Variants in MICALL1 observed in about 807,000 individuals in gnomAD.
MICALL1 encodes the protein MICAL like 1, also known as MICAL-like protein 1.
In MICALL1, 61 loss-of-function variants were observed where a neutral mutation model predicts 83.7. The observed-to-expected ratio is 0.73, with a 90% CI of 0.59 to 0.90. The LOEUF is 0.90. MICALL1 is among the 40% of genes least tolerant of loss of function. The probability of loss-of-function intolerance (pLI) is 0.00; values close to 1 mark genes in which losing one functional copy is unlikely to be tolerated. For synonymous variants in MICALL1, 481 were observed against 473.6 expected (o/e 1.02, Z -0.20); for missense variants, 1,066 against 1,152.0 (o/e 0.93, Z 1.08).
rs745831607 is a variant in MICALL1 at position 37,926,017 on chromosome 22, C to T, written c.1439C>T (p.Pro480Leu). The change falls in exon 8 of 16, where the codon CCG (proline) becomes CTG (leucine). Residue 480 changes from proline (P) to leucine (L), a missense_variant. By Grantham distance (98) the Pro-to-Leu change is moderately conservative. Transcript: ENST00000215957. The stretch of plus-strand genomic sequence containing the variant: ...CCCAAGACAAAGAAGCGCCCTGCCC[C>T]GCGCGCACCCAGCGCGTCCCCACTG... Reference protein sequence around the residue: ...SSPKTKKRPAPRAPSASPLAL... With the variant: ...SSPKTKKRPALRAPSASPLAL... The T allele has an allele frequency of 3.7e-5, 59 of 1,608,708 alleles. No homozygotes were observed. The highest frequency in any genetic ancestry group is 6.7e-5 in the Admixed American group (4 of 59,510).
chr22:37,907,955 G>C (rs961298499), intron 1 of MICALL1, among the ~76,000 whole-genome samples: 1 of 152,220 alleles, frequency 6.6e-6, no homozygotes, highest in African/African-American at 2.4e-5. Flanking sequence ...CATTGGAAGG[G>C]AGGGCCCAAG....
At position 37,930,582 on chromosome 22, in the gene MICALL1, A is replaced by T. The variant is rs1929736287; in HGVS notation, c.1882-1217A>T. Among the ~76,000 whole-genome samples the T allele has an allele frequency of 6.6e-6, 1 of 152,212 alleles. No individual in the cohort carries two copies. Among genetic ancestry groups the T allele is most frequent in the Non-Finnish European group, 1.5e-5 (1 of 68,028 alleles). Reference sequence around the variant, plus strand: ...AGGCCTCTGTAAGGGGCTCGCAGTGACGTCTGTTTCCAATGAGCTGGGAAG... The same window carrying T: ...AGGCCTCTGTAAGGGGCTCGCAGTGTCGTCTGTTTCCAATGAGCTGGGAAG... On this transcript the variant is annotated intron_variant, in intron 9 of 15. Coordinates refer to ENST00000215957, the MANE Select transcript of MICALL1 (RefSeq NM_033386.4). This position sits in a 1 kb window ranked among gnomAD's most constrained non-coding sequence, Gnocchi z 4.8.
At position 37,930,504 on chromosome 22, in the gene MICALL1, CT is replaced by C. The variant is rs1198355753; in HGVS notation, c.1882-1294del. 6.6e-6 allele frequency among the ~76,000 whole-genome samples: 1 copy of C among 152,242 alleles called. No individual in the cohort carries two copies. The highest frequency in any genetic ancestry group is 6.5e-5 in the Admixed American group (1 of 15,280). On this transcript the variant is annotated intron_variant, in intron 9 of 15. Transcript: ENST00000215957. This position sits in a 1 kb window ranked among gnomAD's most constrained non-coding sequence, Gnocchi z 4.8. ...GCACAGGCCTCCACCTGCTCCGCAG[CT>C]GCCGAGGGAAAGCTGGGTCAGTGCT... is the stretch of plus-strand genomic sequence containing the variant.
intron 9 of MICALL1, among the ~76,000 whole-genome samples, chr22:37,929,651 G>A (rs549118586): frequency 6.6e-6 from 1 of 152,274 alleles, no homozygotes; most frequent in Non-Finnish European, 1.5e-5. Flanking sequence ...GTGTGCTGTG[G>A]GCTCACCTGT....
At chr22:37,922,830 GT>G in intron 6 of MICALL1, among the ~76,000 whole-genome samples, 1 of 141,332 alleles carries the variant, frequency 7.1e-6, no homozygotes, top group East Asian at 2.0e-4. Flanking sequence ...TAGAGACGGG[GT>G]TTCTCCATGT....
Position 37,930,364 on chromosome 22 carries a change from C to T in MICALL1, c.1882-1435C>T, listed in dbSNP as rs1929722568. Among the ~76,000 whole-genome samples, 1 of 152,168 alleles carries T rather than the reference C, an allele frequency of 6.6e-6. No individual in the cohort carries two copies. Among genetic ancestry groups the T allele is most frequent in the Non-Finnish European group, 1.5e-5 (1 of 68,022 alleles). On this transcript the variant is annotated intron_variant, in intron 9 of 15. Coordinates refer to ENST00000215957, the MANE Select transcript of MICALL1 (RefSeq NM_033386.4). The surrounding 1 kb of genome is among the most constrained non-coding windows in gnomAD (Gnocchi z 4.8). ...ACCCTGGGTCATTGGGTGGGTGCTG[C>T]CCTGTGGGAGCCAAGCCCTGGCTTC...
intron 6 of MICALL1, among the ~76,000 whole-genome samples, chr22:37,922,815 T>A (rs964931190): frequency 6.9e-6 from 1 of 144,716 alleles, no homozygotes; most frequent in African/African-American, 2.5e-5. Flanking sequence ...TTTTTTTTTT[T>A]TTAGTAGAGA....
rs767482792 is a variant in MICALL1, at chr22:37,917,842, G to T, written c.426+47G>T. The stretch of plus-strand genomic sequence containing the variant: ...TGGGAGGGCCAGGGGTGGAGGGGGC[G>T]AGTTATGTGGACGACTATCATTGCA... On this transcript the variant is annotated intron_variant, in intron 4 of 15. Coordinates refer to ENST00000215957, the MANE Select transcript of MICALL1 (RefSeq NM_033386.4). The T allele has an allele frequency of 4.0e-6, 6 of 1,507,632 alleles. No individual in the cohort carries two copies. In the African/African-American group the frequency reaches 8.2e-5, roughly 21 times the overall value. 93.4% of individuals were successfully genotyped at this position (1,507,632 alleles called of 1,614,324 possible).
chr22:37,934,275 C>T lies in MICALL1; in HGVS notation c.2308+1163C>T, dbSNP rs547877944. On this transcript the variant is annotated intron_variant, in intron 13 of 15. Transcript: ENST00000215957. Reference sequence around the variant, plus strand: ...GTACAGTACACCATGAGGGCCATTGCTTGGGGGCATCAGGCTGCCAGGTTC... The same window carrying T: ...GTACAGTACACCATGAGGGCCATTGTTTGGGGGCATCAGGCTGCCAGGTTC... 3.3e-5 allele frequency among the ~76,000 whole-genome samples: 5 copies of T among 152,298 alleles called. No homozygotes were observed. In the South Asian group the frequency reaches 6.2e-4, roughly 19 times the overall value.
intron 9 of MICALL1, among the ~76,000 whole-genome samples, chr22:37,929,431 G>A (rs1273185275): frequency 6.6e-6 from 1 of 152,194 alleles, no homozygotes; most frequent in Non-Finnish European, 1.5e-5. Flanking sequence ...TGGGCAGGGG[G>A]TCAGCCCTCA....
chr22:37,927,809 C>T lies in MICALL1; in HGVS notation c.1864C>T (p.Pro622Ser). 6.2e-7 allele frequency: 1 copy of T among 1,608,674 alleles called. No homozygotes were observed. Among genetic ancestry groups the T allele is most frequent in the South Asian group, 1.1e-5 (1 of 90,810 alleles). The change falls in exon 9 of 16, where the codon CCA becomes TCA. Residue 622 changes from proline (P) to serine (S), a missense_variant. Transcript: ENST00000215957. ...SPVPSPGSSSPQLQVKSSCKE... is the reference protein window; with the variant it reads ...SPVPSPGSSSSQLQVKSSCKE... The stretch of plus-strand genomic sequence containing the variant: ...GGTGCCTTCCCCTGGAAGCTCGTCC[C>T]CACAGCTGCAGGTAAAGGTGAGTGC...
intron 7 of MICALL1, 90 bp from the exon 8 acceptor site, chr22:37,925,571 C>G (rs540029046): frequency 9.6e-6 from 8 of 830,528 alleles, no homozygotes; most frequent in Non-Finnish European, 1.5e-5. Context: ...TCATCCACCC[C>G]CTTTGAAGTA....
In MICALL1 at chr22:37,906,316, A is replaced by T; in HGVS notation, c.-107A>T. ...CCCCTCGCCTGCCGGTCGGCGCCCG[A>T]GCTCGGAGCCGCAGCCGCAGCCGGA... On this transcript the variant is annotated 5_prime_UTR_variant, in exon 1 of 16. Transcript: ENST00000215957. This position sits in a 1 kb window ranked among gnomAD's most constrained non-coding sequence, Gnocchi z 4.4. The T allele has an allele frequency of 2.4e-6, 2 of 846,806 alleles. No individual in the cohort carries two copies. The highest frequency in any genetic ancestry group is 2.8e-6 in the Non-Finnish European group (2 of 705,192). The allele number at this position is 846,806 out of a possible 1,614,324, so 52.5% of individuals were successfully genotyped here.
chr22:37,925,245 GCAGGTGCCC>G (rs1278653103), intron 7 of MICALL1, among the ~76,000 whole-genome samples: 1 of 152,124 alleles, frequency 6.6e-6, no homozygotes, highest in Admixed American at 6.5e-5. Flanking sequence ...CTGGCACTGA[GCAGGTGCCC>G]CAGTGCCCCG....
chr22:37,927,909 C>T (rs760787266), intron 9 of MICALL1, 83 bp downstream of exon 9: 101 of 1,427,600 alleles, frequency 7.1e-5, no homozygotes, highest in Non-Finnish European at 9.3e-5. Flanking sequence ...TGTCCAGGGC[C>T]TTTTCTTAAT....
At chr22:37,935,059 A>G (rs905594083) in intron 13 of MICALL1, among the ~76,000 whole-genome samples, 1 of 142,074 alleles carries the variant, frequency 7.0e-6, no homozygotes, top group Admixed American at 7.1e-5. Context: ...CAGCCTCCCT[A>G]GTAGCTGGGA....
Position 37,919,061 on chromosome 22 carries a change from T to C in MICALL1, c.452T>C (p.Leu151Pro). The change falls in exon 5 of 16, where the codon CTG (leucine) becomes CCG (proline). Residue 151 changes from leucine (L) to proline (P), a missense_variant. Coordinates refer to ENST00000215957, the MANE Select transcript of MICALL1 (RefSeq NM_033386.4). ...AQGEELSSGS[L>P]SEQGTGQTPS... ...GGCGAGGAGCTCTCCTCAGGCAGCC[T>C]GTCAGAGCAGGGCACCGGCCAGACC... 1 of 1,552,198 alleles carries C rather than the reference T, an allele frequency of 6.4e-7. No homozygotes were observed. The highest frequency in any genetic ancestry group is 8.7e-7 in the Non-Finnish European group (1 of 1,147,582).
At chr22:37,919,005 C>G in intron 4 of MICALL1, 31 bp from the exon 5 acceptor site, 2 of 1,524,698 alleles carry the variant, frequency 1.3e-6, no homozygotes, top group Middle Eastern at 1.7e-4. Context: ...CCATGTCCTG[C>G]TCCCAACCTC....
At chr22:37,921,718 T>C (rs1404323761) in intron 5 of MICALL1, among the ~76,000 whole-genome samples, 1 of 152,260 alleles carries the variant, frequency 6.6e-6, no homozygotes, top group African/African-American at 2.4e-5. Flanking sequence ...CTTCTTCCTC[T>C]TGCAGCATAA....
Sources: allele counts gnomAD v4.1 joint callset (sites outside exome capture counted in the v4.1 genomes callset), GRCh38; gene constraint gnomAD v4.1.1; non-coding constraint Gnocchi (gnomAD v3.1); transcripts MANE v1.5; gene names NCBI Gene and HGNC (gene_info 2026-07-23, HGNC 2026-07-21).